ITGA9: variants seen among roughly 807,000 people sequenced by gnomAD.
ITGA9 encodes integrin subunit alpha 9, also known as integrin alpha-9.
In ITGA9, 56 loss-of-function variants were observed where a neutral mutation model predicts 127.8. The ratio of observed to expected loss-of-function variants is 0.44; its 90% CI spans 0.35 to 0.55. The LOEUF (loss-of-function observed/expected upper bound fraction) is 0.55. ITGA9 is among the 20% of genes least tolerant of loss of function. The pLI is 0.00. For synonymous variants in ITGA9, 508 were observed against 514.5 expected (o/e 0.99, Z 0.17); for missense variants, 1,196 against 1,347.1 (o/e 0.89, Z 1.76).
intron 15 of ITGA9, among the ~76,000 whole-genome samples, chr3:37,544,885 A>G (rs1699310219): frequency 6.6e-6 from 1 of 152,256 alleles, no homozygotes; most frequent in Admixed American, 6.5e-5. Context: ...TTATAGCCAT[A>G]CTTTATAACC....
intron 3 of ITGA9, among the ~76,000 whole-genome samples, chr3:37,476,267 A>G (rs1011826686): frequency 5.3e-5 from 8 of 151,678 alleles, no homozygotes; most frequent in African/African-American, 9.7e-5. Flanking sequence ...CCTCCATACT[A>G]TTTTCCCAAA....
At chr3:37,517,716 G>C (rs1699000798) in intron 10 of ITGA9, 107 bp downstream of exon 10, 6 of 819,234 alleles carry the variant, frequency 7.3e-6, no homozygotes, top group South Asian at 4.3e-5. Context: ...GCATGCTCCT[G>C]GGTCTACTGA....
intron 18 of ITGA9, among the ~76,000 whole-genome samples, chr3:37,705,553 G>C (rs1041898793): frequency 1.3e-5 from 2 of 152,184 alleles, no homozygotes; most frequent in East Asian, 3.8e-4. Flanking sequence ...TGAAAGTCCA[G>C]CTTCGTGTGG....
intron 27 of ITGA9, among the ~76,000 whole-genome samples, chr3:37,813,033 C>A (rs1209392486): frequency 6.6e-6 from 1 of 152,210 alleles, no homozygotes; most frequent in Non-Finnish European, 1.5e-5. Flanking sequence ...TGAAGGAGGC[C>A]TACTTAACCT....
chr3:37,649,296 T>TA (rs948603993), intron 16 of ITGA9, among the ~76,000 whole-genome samples: 10 of 151,766 alleles, frequency 6.6e-5, no homozygotes, highest in African/African-American at 9.7e-5. Context: ...AATAGATTAT[T>TA]AAAAAAAACA....
intron 15 of ITGA9, among the ~76,000 whole-genome samples, chr3:37,574,824 C>T (rs1291836751): frequency 6.6e-6 from 1 of 152,090 alleles, no homozygotes; most frequent in African/African-American, 2.4e-5. Context: ...GGTCTGAGGT[C>T]ACACTGGGAG....
chr3:37,672,877 A>G (rs1697222266), intron 17 of ITGA9, among the ~76,000 whole-genome samples: 1 of 151,842 alleles, frequency 6.6e-6, no homozygotes, highest in Non-Finnish European at 1.5e-5. Context: ...TTTGGGTACA[A>G]TATTCTTTTT....
intron 15 of ITGA9, among the ~76,000 whole-genome samples, chr3:37,622,886 G>A (rs1464978158): frequency 6.6e-6 from 1 of 151,924 alleles, no homozygotes; most frequent in Non-Finnish European, 1.5e-5. Context: ...CTTGCCTACA[G>A]TATGTCAGTC....
intron 15 of ITGA9, among the ~76,000 whole-genome samples, chr3:37,608,395 C>G (rs1481116685): frequency 6.6e-6 from 1 of 152,106 alleles, no homozygotes; most frequent in Admixed American, 6.6e-5. Context: ...CCAATGCAAA[C>G]AAACATAGAT....
chr3:37,736,747 A>G (rs1696367316), intron 19 of ITGA9, among the ~76,000 whole-genome samples, 157 bp from the exon 20 acceptor site: 1 of 152,228 alleles, frequency 6.6e-6, no homozygotes. Flanking sequence ...TTTACTGTTA[A>G]AGCTGTGACT....
intron 16 of ITGA9, among the ~76,000 whole-genome samples, chr3:37,633,757 A>T (rs1373481457): frequency 6.6e-6 from 1 of 152,198 alleles, no homozygotes; most frequent in East Asian, 1.9e-4. Context: ...TTCTGTAGAA[A>T]GCTATCAGTT....
chr3:37,755,508 C>T (rs2685089), intron 23 of ITGA9, among the ~76,000 whole-genome samples: 1 of 152,280 alleles, frequency 6.6e-6, no homozygotes, highest in East Asian at 1.9e-4. Flanking sequence ...AGACTGATGT[C>T]TTCAGAGCAA....
intron 27 of ITGA9, chr3:37,818,645 C>T (rs1697471705): frequency 1.8e-6 from 1 of 546,414 alleles, no homozygotes; most frequent in East Asian, 3.3e-5. Flanking sequence ...GAAAACACTA[C>T]ACCAGATGCA....
At chr3:37,474,923 C>T (rs1324609573) in intron 3 of ITGA9, among the ~76,000 whole-genome samples, 2 of 152,204 alleles carry the variant, frequency 1.3e-5, no homozygotes, top group East Asian at 3.9e-4. Flanking sequence ...ATCTGAATTC[C>T]GTCCTCAGCA....
intron 26 of ITGA9, among the ~76,000 whole-genome samples, chr3:37,791,163 C>G (rs1478221528): frequency 6.6e-6 from 1 of 152,142 alleles, no homozygotes; most frequent in East Asian, 1.9e-4. Context: ...AGAAACTCCC[C>G]CAAGGCAAAT....
intron 18 of ITGA9, among the ~76,000 whole-genome samples, chr3:37,711,817 C>T (rs1363766285): frequency 6.6e-6 from 1 of 152,222 alleles, no homozygotes; most frequent in Non-Finnish European, 1.5e-5. Context: ...GTGTAAAGTG[C>T]CTGCAGCAGT....
At chr3:37,748,692 G>T in intron 22 of ITGA9, 1 of 538,596 alleles carries the variant, frequency 1.9e-6, no homozygotes, top group Non-Finnish European at 3.3e-6. Context: ...AAGTTGCAGT[G>T]AGCCGAGGTT....
intron 5 of ITGA9, 105 bp downstream of exon 5, chr3:37,494,673 A>G (rs1283249728): frequency 4.4e-6 from 4 of 899,674 alleles, no homozygotes; most frequent in Non-Finnish European, 7.3e-6. Context: ...AGTCCCAGAT[A>G]CTTGAGCCTC....
At chr3:37,746,273 C>T (rs1194217198) in intron 22 of ITGA9, among the ~76,000 whole-genome samples, 1 of 152,180 alleles carries the variant, frequency 6.6e-6, no homozygotes, top group African/African-American at 2.4e-5. Context: ...GGTTATTCAA[C>T]AAGCTACATA....
Sources: gnomAD v4.1 joint callset for allele counts (sites outside exome capture counted in the v4.1 genomes callset) on GRCh38, gnomAD v4.1.1 for gene constraint, MANE v1.5 for transcripts, NCBI Gene and HGNC (gene_info 2026-07-23, HGNC 2026-07-21) for gene names.